The following ARHGAP5 variants were observed in gnomAD, a reference collection of about 807,000 sequenced individuals.
ARHGAP5 encodes Rho GTPase activating protein 5, also known as rho GTPase-activating protein 5.
ARHGAP5 carries 23 observed loss-of-function variants against 116.6 expected under a neutral mutation model. The observed-to-expected ratio is 0.20, with a 90% CI of 0.14 to 0.28. The LOEUF (loss-of-function observed/expected upper bound fraction) is 0.28. Ranked by LOEUF, ARHGAP5 falls within the 10% of genes least tolerant of loss-of-function variation. The pLI is 1.00. For missense variants in ARHGAP5, 1,405 were observed against 1,774.8 expected, an observed-to-expected ratio of 0.79 and a Z score of 3.74; for synonymous variants, 574 against 602.0, an observed-to-expected ratio of 0.95 and a Z score of 0.68.
intron 2 of ARHGAP5, among the ~76,000 whole-genome samples, chr14:32,098,244 C>A (rs1878628204): frequency 6.6e-6 from 1 of 152,128 alleles, no homozygotes; most frequent in South Asian, 2.1e-4. Flanking sequence ...GTGTTACTGG[C>A]ACACAGATAG....
intron 1 of ARHGAP5, among the ~76,000 whole-genome samples, chr14:32,087,981 C>G (rs1163993429): frequency 2.0e-5 from 3 of 151,824 alleles, no homozygotes; most frequent in African/African-American, 7.3e-5. Context: ...CATTTAAGAC[C>G]CTTTTGTTTC....
At chr14:32,116,406 C>T (rs1247814059) in intron 2 of ARHGAP5, among the ~76,000 whole-genome samples, 18 of 150,570 alleles carry the variant, frequency 1.2e-4, no homozygotes, top group African/African-American at 3.2e-4. Context: ...CTGGTTAACA[C>T]GGTGAAACCC....
chr14:32,148,334 TTGTTTTGTTTTCTCGTCCTGCCACCAC>T (rs1166490594), intron 4 of ARHGAP5, among the ~76,000 whole-genome samples: 1 of 152,178 alleles, frequency 6.6e-6, no homozygotes, highest in Non-Finnish European at 1.5e-5. Flanking sequence ...TTTGACTTTC[TTGTTTTGTTTTCTCGTCCTGCCACCAC>T]TGCCACTATT....
intron 2 of ARHGAP5, among the ~76,000 whole-genome samples, chr14:32,112,888 A>G (rs1879382302): frequency 6.6e-6 from 1 of 151,924 alleles, no homozygotes; most frequent in South Asian, 2.1e-4. Context: ...AAAAAATTGG[A>G]TTTTCATACT....
At chr14:32,099,664 A>G (rs1878700713) in intron 2 of ARHGAP5, among the ~76,000 whole-genome samples, 1 of 152,220 alleles carries the variant, frequency 6.6e-6, no homozygotes. Context: ...CTCAGTCTGT[A>G]TCTCAGAACG....
At chr14:32,130,031 C>A (rs1402226582) in intron 3 of ARHGAP5, among the ~76,000 whole-genome samples, 55 of 151,744 alleles carry the variant, frequency 3.6e-4, no homozygotes, top group Non-Finnish European at 2.9e-4. Flanking sequence ...GTACTGCATT[C>A]CAGCCTGGGT....
intron 2 of ARHGAP5, among the ~76,000 whole-genome samples, chr14:32,095,754 A>G (rs907825679): frequency 2.0e-5 from 3 of 152,184 alleles, no homozygotes; most frequent in African/African-American, 7.2e-5. Context: ...CTTACAGCAC[A>G]TACTCAACTC....
chr14:32,136,608 T>C (rs1176778077), intron 3 of ARHGAP5, among the ~76,000 whole-genome samples: 2 of 152,252 alleles, frequency 1.3e-5, no homozygotes, highest in Non-Finnish European at 1.5e-5. Flanking sequence ...TTTTGAATTC[T>C]TGAGGGTGTA....
intron 1 of ARHGAP5, among the ~76,000 whole-genome samples, chr14:32,083,257 TG>T (rs1040906336): frequency 6.6e-6 from 1 of 152,260 alleles, no homozygotes; most frequent in African/African-American, 2.4e-5. Flanking sequence ...TTGAAATGGT[TG>T]GGGGGCAAAT....
chr14:32,115,127 A>G (rs1322824716), intron 2 of ARHGAP5, among the ~76,000 whole-genome samples: 1 of 152,214 alleles, frequency 6.6e-6, no homozygotes, highest in Non-Finnish European at 1.5e-5. Context: ...TGGGATGTGC[A>G]CAGTAGAGTC....
At chr14:32,126,154 G>T (rs944882440) in intron 3 of ARHGAP5, among the ~76,000 whole-genome samples, 8 of 152,130 alleles carry the variant, frequency 5.3e-5, no homozygotes, top group African/African-American at 1.9e-4. Context: ...AAGAGCACAC[G>T]CTTGTCTTGT....
At chr14:32,119,093 TTTG>T (rs1027850075) in intron 3 of ARHGAP5, among the ~76,000 whole-genome samples, 1 of 152,094 alleles carries the variant, frequency 6.6e-6, no homozygotes. Context: ...AACTAGTTCT[TTTG>T]TTGTCGTTAT....
Position 32,077,795 on chromosome 14 carries a change from C to G in ARHGAP5, c.-169+360C>G, listed in dbSNP as rs755453725. ...TCACTTGCTCGAGTCTCGGGTGGTC[C>G]GTCGAGAGGGGAGGTGGCGGTGTCC... On this transcript the variant is annotated intron_variant, in intron 1 of 6. Coordinates refer to ENST00000345122, the MANE Select transcript of ARHGAP5 (RefSeq NM_001030055.2). 2.7e-4 allele frequency among the ~76,000 whole-genome samples: 41 copies of G among 152,056 alleles called. 1 individual carries two copies. Among genetic ancestry groups the G allele is most frequent in the Admixed American group, 6.5e-4 (10 of 15,278 alleles).
At chr14:32,128,142 G>A (rs1173168902) in intron 3 of ARHGAP5, among the ~76,000 whole-genome samples, 5 of 151,098 alleles carry the variant, frequency 3.3e-5, no homozygotes, top group Non-Finnish European at 7.4e-5. Context: ...AGGCAGAGAC[G>A]CTTCTCACTT....
intron 2 of ARHGAP5, among the ~76,000 whole-genome samples, chr14:32,112,524 G>A (rs560569212): frequency 7.9e-5 from 12 of 152,258 alleles, no homozygotes; most frequent in Middle Eastern, 3.4e-3. Context: ...GAAAAAAGAC[G>A]GCATTTGCAT....
chr14:32,124,866 G>A (rs2139086932), intron 3 of ARHGAP5, among the ~76,000 whole-genome samples: 1 of 152,232 alleles, frequency 6.6e-6, no homozygotes, highest in African/African-American at 2.4e-5. Flanking sequence ...TAGACATCTA[G>A]GGTGGTAGGA....
chr14:32,117,055 G>C, intron 2 of ARHGAP5, 85 bp from the exon 3 acceptor site: 2 of 1,091,956 alleles, frequency 1.8e-6, no homozygotes, highest in Non-Finnish European at 1.2e-6. Flanking sequence ...TTTTTCTTTT[G>C]ATCCGAACCG....
At chr14:32,137,354 C>T (rs1277870397) in intron 3 of ARHGAP5, among the ~76,000 whole-genome samples, 1 of 150,952 alleles carries the variant, frequency 6.6e-6, no homozygotes, top group Non-Finnish European at 1.5e-5. Flanking sequence ...GGTCTTGACA[C>T]CCTTGTTGAA....
intron 2 of ARHGAP5, among the ~76,000 whole-genome samples, chr14:32,105,296 G>A (rs1223127354): frequency 6.6e-6 from 1 of 152,202 alleles, no homozygotes; most frequent in East Asian, 1.9e-4. Flanking sequence ...AGAGCTACAT[G>A]CTATTGTCAT....
Sources: gnomAD v4.1 joint callset for allele counts (sites outside exome capture counted in the v4.1 genomes callset) on GRCh38, gnomAD v4.1.1 for gene constraint, MANE v1.5 for transcripts, NCBI Gene and HGNC (gene_info 2026-07-23, HGNC 2026-07-21) for gene names.